The following RSBN1L variants were observed in gnomAD, a reference collection of about 807,000 sequenced individuals.
The protein encoded by RSBN1L is lysine-specific demethylase RSBN1L.
In RSBN1L, 30 loss-of-function variants were observed where a neutral mutation model predicts 67.7. The observed-to-expected ratio is 0.44, with a 90% CI of 0.33 to 0.60. RSBN1L has a LOEUF of 0.60. Among genes scored for constraint, RSBN1L ranks in the 20% least tolerant of loss-of-function variants. RSBN1L has a pLI of 0.02. For missense variants in RSBN1L, 992 were observed against 1,031.7 expected (o/e 0.96, Z 0.53); for synonymous variants, 433 against 387.0 (o/e 1.12, Z -1.39).
rs760296492 is a variant in RSBN1L at position 77,749,768 on chromosome 7, C to T, written c.1048C>T (p.His350Tyr). Residue 350 changes from histidine to tyrosine, a missense_variant, in exon 3 of 8, where the codon CAT becomes TAT. His to Tyr is a moderately conservative substitution (Grantham distance 83). Around this residue, in one of 7 missense-constraint regions of RSBN1L, gnomAD observed 575 missense variants for 483.2 expected, o/e 1.19. Coordinates refer to ENST00000334955, the MANE Select transcript of RSBN1L (RefSeq NM_198467.3). ...CACTTTGGAATTTAAACAACTCATT[C>T]ATATAGAGCACCAGCCTAATGGAGG... ...LDTLEFKQLIHIEHQPNGGAS... is the reference protein window; with the variant it reads ...LDTLEFKQLIYIEHQPNGGAS... 1.2e-6 allele frequency: 2 copies of T among 1,614,028 alleles called. No individual in the cohort carries two copies. The highest frequency in any genetic ancestry group is 2.7e-5 in the African/African-American group (2 of 74,930).
At chr7:77,766,393 C>G (rs1791766760) in intron 4 of RSBN1L, among the ~76,000 whole-genome samples, 1 of 152,174 alleles carries the variant, frequency 6.6e-6, no homozygotes, top group Non-Finnish European at 1.5e-5. Context: ...CCATGTTGCT[C>G]AGGCTGGTCT....
chr7:77,709,152 T>TTGTGTGTGTGTGTG (rs67322019), intron 1 of RSBN1L, among the ~76,000 whole-genome samples: 6 of 142,362 alleles, frequency 4.2e-5, no homozygotes, highest in African/African-American at 1.5e-4. Flanking sequence ...GGGATTCTGT[T>TTGTGTGTGTGTGTG]TGTGTGTGTG....
chr7:77,747,613 G>C (rs1416372925), intron 2 of RSBN1L, among the ~76,000 whole-genome samples: 1 of 152,202 alleles, frequency 6.6e-6, no homozygotes, highest in Non-Finnish European at 1.5e-5. Flanking sequence ...TTCGAGGCTT[G>C]GGAGCTTCCA....
intron 3 of RSBN1L, among the ~76,000 whole-genome samples, chr7:77,762,136 C>CT: frequency 6.6e-6 from 1 of 152,214 alleles, no homozygotes; most frequent in African/African-American, 2.4e-5. Context: ...GTGAATTTTA[C>CT]ATATCTATAT....
chr7:77,716,552 G>A (rs909153843), intron 1 of RSBN1L, among the ~76,000 whole-genome samples: 3 of 138,354 alleles, frequency 2.2e-5, no homozygotes, highest in African/African-American at 8.0e-5. Flanking sequence ...TAAATTTATT[G>A]ATTAAACTAG....
chr7:77,771,525 T>TG (rs1445591473), intron 5 of RSBN1L, among the ~76,000 whole-genome samples: 1 of 151,362 alleles, frequency 6.6e-6, no homozygotes, highest in African/African-American at 2.4e-5. Flanking sequence ...TTTTTTTTTT[T>TG]TTGAGATAGA....
At chr7:77,703,356 C>T (rs1790843024) in intron 1 of RSBN1L, among the ~76,000 whole-genome samples, 1 of 151,878 alleles carries the variant, frequency 6.6e-6, no homozygotes, top group Non-Finnish European at 1.5e-5. Context: ...TATGCTAAGG[C>T]ATTTACCATT....
chr7:77,749,822 G>C lies in RSBN1L; in HGVS notation c.1102G>C (p.Glu368Gln). ...GASVIHAYSNELSHLSPMEME... is the reference protein window; with the variant it reads ...GASVIHAYSNQLSHLSPMEME... ...ATCGGTTATCCATGCCTACAGTAAC[G>C]AACTCTCCCACCTGTCTCCTATGGA... Residue 368 changes from glutamate (E) to glutamine (Q), a missense_variant, in exon 3 of 8, where the codon GAA becomes CAA. Around this residue, in one of 7 missense-constraint regions of RSBN1L, gnomAD observed 575 missense variants for 483.2 expected, o/e 1.19. Transcript: ENST00000334955. The C allele has an allele frequency of 6.2e-7, 1 of 1,614,152 alleles. No individual in the cohort carries two copies. Among genetic ancestry groups the C allele is most frequent in the Non-Finnish European group, 8.5e-7 (1 of 1,180,024 alleles).
At chr7:77,738,763 G>C (rs4729668) in intron 2 of RSBN1L, among the ~76,000 whole-genome samples, 87,261 of 151,798 alleles carry the variant, frequency 0.57, 26,938 homozygotes, top group African/African-American at 0.81. Flanking sequence ...GCCTGGCCAA[G>C]TTGGTGAAAC....
intron 1 of RSBN1L, among the ~76,000 whole-genome samples, chr7:77,711,727 A>G (rs1316652924): frequency 6.6e-6 from 1 of 152,208 alleles, no homozygotes; most frequent in Non-Finnish European, 1.5e-5. Context: ...CTTATTTTAG[A>G]ATAGTGGCAT....
chr7:77,728,973 G>A (rs1278246889), intron 1 of RSBN1L, among the ~76,000 whole-genome samples: 1 of 152,154 alleles, frequency 6.6e-6, no homozygotes, highest in East Asian at 1.9e-4. Context: ...AGTGAAGCCA[G>A]ATGGCTTCTG....
At chr7:77,765,681 A>T in intron 4 of RSBN1L, 49 bp downstream of exon 4, 1 of 1,295,322 alleles carries the variant, frequency 7.7e-7, no homozygotes, top group Non-Finnish European at 1.0e-6. Flanking sequence ...TAAAAAAGGG[A>T]AGAAAAACCA....
intron 2 of RSBN1L, among the ~76,000 whole-genome samples, chr7:77,742,722 A>C (rs1209931693): frequency 1.3e-5 from 2 of 152,172 alleles, no homozygotes; most frequent in Non-Finnish European, 2.9e-5. Flanking sequence ...CTGTAATTCC[A>C]GCTACTCAGT....
rs1328162140 is a variant in RSBN1L, at chr7:77,747,338, T to C, written c.704-2086T>C. Among the ~76,000 whole-genome samples, 3 of 152,220 alleles carry C rather than the reference T, an allele frequency of 2.0e-5. No individual in the cohort carries two copies. In the East Asian group the frequency reaches 5.8e-4, roughly 29 times the overall value. On this transcript the variant is annotated intron_variant, in intron 2 of 7. Transcript: ENST00000334955. ...TAGACTAGACAATGGGGGAAAGTCC[T>C]AGAAGGCATTTCAGAGAACGTTGTG...
At chr7:77,775,750 T>G (rs1791904778) in intron 6 of RSBN1L, among the ~76,000 whole-genome samples, 1 of 152,198 alleles carries the variant, frequency 6.6e-6, no homozygotes, top group Non-Finnish European at 1.5e-5. Context: ...TTTTTATATG[T>G]CCACTTTAAA....
rs1223615588 is a variant in RSBN1L, at chr7:77,725,740, G to A, written c.587-10670G>A. Reference sequence around the variant, plus strand: ...CCAGGTAGCTGGATTACAGGCATGCGCCACCATGCCCGGCTTATTTTGTAT... The same window carrying A: ...CCAGGTAGCTGGATTACAGGCATGCACCACCATGCCCGGCTTATTTTGTAT... On this transcript the variant is annotated intron_variant, in intron 1 of 7. Transcript: ENST00000334955. 7.3e-5 allele frequency among the ~76,000 whole-genome samples: 11 copies of A among 151,416 alleles called. No homozygotes were observed. In the South Asian group the frequency reaches 1.7e-3, roughly 23 times the overall value.
chr7:77,711,910 G>A (rs1404946643), intron 1 of RSBN1L, among the ~76,000 whole-genome samples: 2 of 152,122 alleles, frequency 1.3e-5, no homozygotes, highest in African/African-American at 2.4e-5. Flanking sequence ...GAGGCCTTAG[G>A]AGCAAATTCT....
intron 2 of RSBN1L, among the ~76,000 whole-genome samples, chr7:77,746,878 T>A (rs770545092): frequency 3.3e-5 from 5 of 152,182 alleles, no homozygotes; most frequent in Non-Finnish European, 5.9e-5. Flanking sequence ...ATAATCCCCT[T>A]TGACTCCATG....
intron 4 of RSBN1L, among the ~76,000 whole-genome samples, chr7:77,767,442 C>T (rs941919096): frequency 2.6e-5 from 4 of 151,816 alleles, no homozygotes; most frequent in African/African-American, 4.8e-5. Context: ...GGTGCGATCT[C>T]GGCTCACTGC....
Sources: gnomAD v4.1 joint callset for allele counts (sites outside exome capture counted in the v4.1 genomes callset) on GRCh38, gnomAD v4.1.1 for gene constraint, gnomAD v4.1.1 regional missense constraint, MANE v1.5 for transcripts, NCBI Gene and HGNC (gene_info 2026-07-23, HGNC 2026-07-21) for gene names.